ABI1: variants seen among roughly 807,000 people sequenced by gnomAD.
ABI1 encodes Abelson interactor 1.
ABI1 carries 14 observed loss-of-function variants against 54.6 expected under a neutral mutation model. The ratio of observed to expected loss-of-function variants is 0.26; its 90% confidence interval spans 0.17 to 0.40. ABI1 has a LOEUF of 0.40. ABI1 is among the 10% of genes least tolerant of loss of function. The pLI, the probability that ABI1 is intolerant of heterozygous loss-of-function variation, is 1.00. For synonymous variants in ABI1, 194 were observed against 209.3 expected (o/e 0.93, Z 0.63); for missense variants, 443 against 598.3 (o/e 0.74, Z 2.71).
At chr10:26,805,491 C>T (rs1463486645) in intron 2 of ABI1, among the ~76,000 whole-genome samples, 1 of 151,636 alleles carries the variant, frequency 6.6e-6, no homozygotes, top group Non-Finnish European at 1.5e-5. Context: ...TTTTAGGACA[C>T]AACAAAGAAA....
intron 3 of ABI1, among the ~76,000 whole-genome samples, chr10:26,774,437 T>C (rs1028950820): frequency 1.3e-5 from 2 of 152,190 alleles, no homozygotes; most frequent in African/African-American, 2.4e-5. Flanking sequence ...CCTTCTCTAT[T>C]CTAGCTTCCT....
intron 7 of ABI1, among the ~76,000 whole-genome samples, chr10:26,763,495 GC>G (rs747357064): frequency 2.0e-5 from 3 of 152,036 alleles, no homozygotes; most frequent in African/African-American, 7.2e-5. Flanking sequence ...CATATCGTTT[GC>G]CTTTCAATTT....
intron 2 of ABI1, among the ~76,000 whole-genome samples, chr10:26,808,099 A>G (rs909925771): frequency 6.6e-6 from 1 of 152,158 alleles, no homozygotes; most frequent in African/African-American, 2.4e-5. Flanking sequence ...AAAAAACACA[A>G]AAAAGTAGCA....
At chr10:26,798,706 T>G (rs940122325) in intron 2 of ABI1, among the ~76,000 whole-genome samples, 1 of 151,992 alleles carries the variant, frequency 6.6e-6, no homozygotes, top group Non-Finnish European at 1.5e-5. Context: ...CTAGAAAGTA[T>G]ACACATTTCC....
At chr10:26,822,687 G>A (rs1588985249) in intron 2 of ABI1, among the ~76,000 whole-genome samples, 1 of 152,078 alleles carries the variant, frequency 6.6e-6, no homozygotes, top group Admixed American at 6.6e-5. Flanking sequence ...AAACCCTAAG[G>A]ACAAGGGACA....
chr10:26,849,767 A>T, intron 1 of ABI1, among the ~76,000 whole-genome samples: 1 of 139,874 alleles, frequency 7.1e-6, no homozygotes, highest in Non-Finnish European at 1.5e-5. Context: ...AAGCTTTGCA[A>T]TACTTGAAAA....
chr10:26,787,204 T>C (rs1188374108), intron 2 of ABI1, among the ~76,000 whole-genome samples: 1 of 152,172 alleles, frequency 6.6e-6, no homozygotes, highest in African/African-American at 2.4e-5. Context: ...CTCTATGGTG[T>C]AACCATGGAG....
At chr10:26,797,240 T>G (rs1004143091) in intron 2 of ABI1, among the ~76,000 whole-genome samples, 3 of 152,212 alleles carry the variant, frequency 2.0e-5, no homozygotes, top group African/African-American at 7.2e-5. Context: ...ATTTAATAGA[T>G]GTATTATCCT....
intron 1 of ABI1, among the ~76,000 whole-genome samples, chr10:26,847,027 T>A (rs1299903275): frequency 1.4e-5 from 2 of 139,616 alleles, no homozygotes; most frequent in Non-Finnish European, 3.0e-5. Context: ...GGAGGCCAAC[T>A]ATAAAATCAC....
chr10:26,771,221 A>G (rs1840650352), intron 3 of ABI1, 132 bp from the exon 4 acceptor site: 1 of 924,414 alleles, frequency 1.1e-6, no homozygotes, highest in Admixed American at 2.2e-5. Context: ...TGTTTCAACT[A>G]CTTTGTAAAG....
chr10:26,826,656 G>A (rs2133846966), intron 1 of ABI1, among the ~76,000 whole-genome samples: 1 of 152,338 alleles, frequency 6.6e-6, no homozygotes, highest in South Asian at 2.1e-4. Context: ...CTGATATTAA[G>A]TGTAGCAACC....
rs182288280 is a variant in ABI1, at chr10:26,860,153, G to C, written c.117+594C>G. Among the ~76,000 whole-genome samples, 3 of 152,166 alleles carry C rather than the reference G, an allele frequency of 2.0e-5. No homozygotes were observed. The highest frequency in any genetic ancestry group is 1.9e-4 in the East Asian group (1 of 5,184). The stretch of plus-strand genomic sequence containing the variant: ...GGGAGGTCGGTGTAATGTGACTCAT[G>C]ACAAATTTTTTTTAAATAAATAAAT... On this transcript the variant is annotated intron_variant, in intron 1 of 10. Coordinates refer to ENST00000376140, the MANE Select transcript of ABI1 (RefSeq NM_001012750.3). The surrounding 1 kb of genome is among the most constrained non-coding windows in gnomAD (Gnocchi z 4.1).
intron 6 of ABI1, among the ~76,000 whole-genome samples, chr10:26,768,354 T>A (rs1261204021): frequency 6.6e-6 from 1 of 151,632 alleles, no homozygotes; most frequent in African/African-American, 2.4e-5. Context: ...GAAACCAGCC[T>A]GACCAACATG....
At chr10:26,851,704 T>C (rs924699289) in intron 1 of ABI1, among the ~76,000 whole-genome samples, 13 of 151,476 alleles carry the variant, frequency 8.6e-5, no homozygotes, top group African/African-American at 3.2e-4. Context: ...GTTAGGACTT[T>C]AGCTAGGAGG....
intron 2 of ABI1, among the ~76,000 whole-genome samples, chr10:26,798,309 G>C (rs969011087): frequency 6.7e-6 from 1 of 150,002 alleles, no homozygotes; most frequent in Admixed American, 6.7e-5. Flanking sequence ...ATCCAGTATT[G>C]GGGGGGGTGA....
intron 2 of ABI1, among the ~76,000 whole-genome samples, chr10:26,792,273 G>C (rs989019695): frequency 2.6e-5 from 4 of 152,158 alleles, no homozygotes; most frequent in Admixed American, 2.6e-4. Flanking sequence ...TTGAATAAGT[G>C]TAATTTTTGT....
At chr10:26,780,726 C>T (rs77015453) in intron 2 of ABI1, among the ~76,000 whole-genome samples, 2,352 of 152,264 alleles carry the variant, frequency 0.015, 51 homozygotes, top group African/African-American at 0.054. Context: ...CCTGGGTAGG[C>T]TACATAACTT....
intron 2 of ABI1, among the ~76,000 whole-genome samples, chr10:26,808,486 C>T (rs924595546): frequency 4.6e-5 from 7 of 152,018 alleles, no homozygotes; most frequent in African/African-American, 7.3e-5. Flanking sequence ...CTTTGGGAGG[C>T]GGAGGCAGGT....
chr10:26,840,247 G>C (rs980933097), intron 1 of ABI1, among the ~76,000 whole-genome samples: 1 of 152,100 alleles, frequency 6.6e-6, no homozygotes, highest in Non-Finnish European at 1.5e-5. Flanking sequence ...CAAAGGGCTG[G>C]TTGTTTAAAA....
Sources: gnomAD v4.1 joint callset for allele counts (sites outside exome capture counted in the v4.1 genomes callset) on GRCh38, gnomAD v4.1.1 for gene constraint, Gnocchi (gnomAD v3.1) non-coding constraint, MANE v1.5 for transcripts, NCBI Gene and HGNC (gene_info 2026-07-23, HGNC 2026-07-21) for gene names.